The following SLX9 variants were observed in gnomAD, a reference collection of about 807,000 sequenced individuals.
SLX9 encodes the protein SLX9 ribosome biogenesis factor.
Under a neutral mutation model 20.8 loss-of-function variants are expected in SLX9, and 19 were observed. The observed-to-expected ratio is 0.91, with a 90% CI of 0.64 to 1.34. SLX9 has a LOEUF of 1.34. Among genes scored for constraint, SLX9 ranks in the 40% most tolerant of loss-of-function variants. The pLI, the probability that SLX9 is intolerant of heterozygous loss-of-function variation, is 0.00. For missense variants in SLX9, 299 were observed against 322.2 expected, an observed-to-expected ratio of 0.93 and a Z score of 0.55; for synonymous variants, 113 against 137.1, an observed-to-expected ratio of 0.82 and a Z score of 1.23.
At chr21:44,955,207 CA>C (rs560489212) in intron 2 of SLX9, among the ~76,000 whole-genome samples, 44 of 138,708 alleles carry the variant, frequency 3.2e-4, no homozygotes, top group Non-Finnish European at 3.4e-4. Context: ...GACTTTGTCT[CA>C]AAAAAAAAAA....
chr21:44,942,618 A>G (rs1359312826), intron 1 of SLX9, among the ~76,000 whole-genome samples: 1 of 152,192 alleles, frequency 6.6e-6, no homozygotes, highest in Non-Finnish European at 1.5e-5. Flanking sequence ...ATTTAGAATT[A>G]CATAAAACAG....
chr21:44,964,372 C>G (rs563453753), intron 3 of SLX9, among the ~76,000 whole-genome samples: 26 of 152,174 alleles, frequency 1.7e-4, no homozygotes, highest in African/African-American at 5.8e-4. Context: ...GTTGAAATTT[C>G]CCCTGTGGAT....
chr21:44,943,817 G>T lies in SLX9; in HGVS notation c.263G>T (p.Ser88Ile). The stretch of plus-strand genomic sequence containing the variant: ...GGTGAGGCAGGCTCGAGTGCACGGA[G>T]CGTCCCTTCCATCAGGAGAGGTGAG... Reference protein sequence around the residue: ...RRGEAGSSARSVPSIRRGAEA... With the variant: ...RRGEAGSSARIVPSIRRGAEA... Residue 88 changes from serine to isoleucine, a missense_variant, in exon 2 of 6, where the codon AGC becomes ATC. Transcript: ENST00000291634. The T allele has an allele frequency of 6.2e-6, 10 of 1,613,070 alleles. No individual in the cohort carries two copies. The highest frequency in any genetic ancestry group is 5.9e-6 in the Non-Finnish European group (7 of 1,179,962).
Position 44,964,846 on chromosome 21 carries a change from C to T in SLX9, c.353-2188C>T, listed in dbSNP as rs2085006420. 1.3e-5 allele frequency among the ~76,000 whole-genome samples: 2 copies of T among 152,068 alleles called. 1 individual carries two copies. The highest frequency in any genetic ancestry group is 1.3e-4 in the Admixed American group (2 of 15,278). On this transcript the variant is annotated intron_variant, in intron 3 of 5. Transcript: ENST00000291634. Reference sequence around the variant, plus strand: ...TGCTGTATTTTTTGGCCTTTGATTCCTCTTTGTTTTTAGTATTTAATTCAT... The same window carrying T: ...TGCTGTATTTTTTGGCCTTTGATTCTTCTTTGTTTTTAGTATTTAATTCAT...
intron 3 of SLX9, among the ~76,000 whole-genome samples, chr21:44,965,908 G>T (rs1056748978): frequency 6.6e-6 from 1 of 152,072 alleles, no homozygotes; most frequent in Non-Finnish European, 1.5e-5. Flanking sequence ...GCCGAGTAAC[G>T]TGTCTACCAC....
At chr21:44,943,539 T>C in intron 1 of SLX9, 145 bp from the exon 2 acceptor site, 2 of 1,119,110 alleles carry the variant, frequency 1.8e-6, no homozygotes, top group South Asian at 3.1e-5. Flanking sequence ...GAGGTGAGGG[T>C]TGTTTCCCCC....
At chr21:44,975,436 G>A (rs553463624) in intron 5 of SLX9, among the ~76,000 whole-genome samples, 8 of 152,202 alleles carry the variant, frequency 5.3e-5, no homozygotes, top group Admixed American at 6.5e-5. Flanking sequence ...CAGGGGCACC[G>A]AACCCGTGTC....
At chr21:44,939,904 C>CA (rs2084505578), upstream of SLX9, 5 of 730,606 alleles carry the variant, frequency 6.8e-6, no homozygotes, top group Non-Finnish European at 8.2e-6. Flanking sequence ...CGCCACCCTA[C>CA]ACCCGCGACC....
chr21:44,956,684 G>C (rs556376112), intron 2 of SLX9, among the ~76,000 whole-genome samples: 2 of 152,372 alleles, frequency 1.3e-5, no homozygotes, highest in East Asian at 1.9e-4. Flanking sequence ...GGCGTGCACG[G>C]AAAAGCCGGT....
intron 4 of SLX9, among the ~76,000 whole-genome samples, chr21:44,967,545 C>G (rs758321505): frequency 6.6e-6 from 1 of 152,176 alleles, no homozygotes; most frequent in Non-Finnish European, 1.5e-5. Context: ...CCACAGAGAC[C>G]CTGCTGTGCT....
intron 4 of SLX9, among the ~76,000 whole-genome samples, chr21:44,972,342 A>AT (rs2085166655): frequency 6.6e-6 from 1 of 152,222 alleles, no homozygotes; most frequent in Non-Finnish European, 1.5e-5. Context: ...GCTCCCGAAG[A>AT]TTCCCACGGT....
intron 2 of SLX9, among the ~76,000 whole-genome samples, chr21:44,947,550 C>T (rs879876836): frequency 7.4e-6 from 1 of 134,282 alleles, no homozygotes; most frequent in Non-Finnish European, 1.5e-5. Flanking sequence ...CGTTCCTATC[C>T]TGTGACTGAC....
chr21:44,973,312 C>G (rs765849848), intron 5 of SLX9, 47 bp downstream of exon 5: 6 of 1,596,400 alleles, frequency 3.8e-6, no homozygotes, highest in Non-Finnish European at 4.3e-6. Context: ...CCTGAGTGCC[C>G]TCACCCTGCC....
Position 44,960,836 on chromosome 21 carries a change from G to A in SLX9, c.352+668G>A, listed in dbSNP as rs527237913. Among the ~76,000 whole-genome samples the A allele has an allele frequency of 8.5e-5, 13 of 152,320 alleles. No individual in the cohort carries two copies. The South Asian group carries it at 2.7e-3, about 32-fold the overall frequency. ...TTTTCGTGATGCTGGATATTTGCCA[G>A]TGTTTTTCTAAGATTGTTTCTCGTC... is the stretch of plus-strand genomic sequence containing the variant. On this transcript the variant is annotated intron_variant, in intron 3 of 5. Coordinates refer to ENST00000291634, the MANE Select transcript of SLX9 (RefSeq NM_058190.4).
chr21:44,951,065 G>A (rs149956285), intron 2 of SLX9, among the ~76,000 whole-genome samples: 22,351 of 152,086 alleles, frequency 0.15, 1,762 homozygotes, highest in Admixed American at 0.21. Flanking sequence ...TAAAGTCGCC[G>A]GTTTGATTTA....
intron 1 of SLX9, 124 bp from the exon 2 acceptor site, chr21:44,943,560 G>A (rs770479656): frequency 2.2e-5 from 30 of 1,338,468 alleles, no homozygotes; most frequent in African/African-American, 4.3e-5. Context: ...AGGTCCTCCC[G>A]GGCAGAGAAG....
At chr21:44,968,893 A>G (rs141371138) in intron 4 of SLX9, among the ~76,000 whole-genome samples, 2,427 of 151,822 alleles carry the variant, frequency 0.016, 67 homozygotes, top group African/African-American at 0.055. Flanking sequence ...AGGTGGGACT[A>G]CAGGCGCCCG....
intron 3 of SLX9, among the ~76,000 whole-genome samples, chr21:44,964,574 G>A (rs1461699632): frequency 1.3e-5 from 2 of 152,146 alleles, no homozygotes; most frequent in Admixed American, 1.3e-4. Context: ...CACACAGCCT[G>A]TGCCCCAGCC....
chr21:44,945,339 T>C (rs2084622994), intron 2 of SLX9, among the ~76,000 whole-genome samples: 1 of 152,220 alleles, frequency 6.6e-6, no homozygotes, highest in Non-Finnish European at 1.5e-5. Flanking sequence ...GCTGTGTCCC[T>C]GGTTGCTGAC....
Sources: allele counts gnomAD v4.1 joint callset (sites outside exome capture counted in the v4.1 genomes callset), GRCh38; gene constraint gnomAD v4.1.1; transcripts MANE v1.5; gene names NCBI Gene and HGNC (gene_info 2026-07-23, HGNC 2026-07-21).